The following SHANK2 variants were observed in gnomAD, a reference collection of about 807,000 sequenced individuals.
The protein encoded by SHANK2 is SH3 and multiple ankyrin repeat domains protein 2.
A neutral mutation model predicts 133.7 loss-of-function variants in SHANK2; 43 were observed. The ratio of observed to expected loss-of-function variants is 0.32; its 90% CI spans 0.25 to 0.41. The LOEUF (loss-of-function observed/expected upper bound fraction) is 0.41. Ranked by LOEUF, SHANK2 falls within the 10% of genes least tolerant of loss-of-function variation. The pLI, the probability that SHANK2 is intolerant of heterozygous loss-of-function variation, is 1.00. For synonymous variants in SHANK2, 1,017 were observed against 952.8 expected (o/e 1.07, Z -1.24); for missense variants, 1,994 against 2,235.8 (o/e 0.89, Z 2.18).
chr11:70,509,675 T>C (rs1490204994), intron 17 of SHANK2, among the ~76,000 whole-genome samples: 2 of 152,196 alleles, frequency 1.3e-5, no homozygotes, highest in Admixed American at 6.5e-5. Context: ...AGTCTATGTG[T>C]TGAAACCCTC....
At chr11:70,651,312 G>A (rs1485837126) in intron 17 of SHANK2, among the ~76,000 whole-genome samples, 2 of 152,200 alleles carry the variant, frequency 1.3e-5, no homozygotes, top group African/African-American at 4.8e-5. Flanking sequence ...CAGATTTGCA[G>A]TTGCCGAGCT....
intron 11 of SHANK2, among the ~76,000 whole-genome samples, chr11:70,832,145 A>G (rs1018136671): frequency 2.0e-5 from 3 of 152,148 alleles, no homozygotes; most frequent in Non-Finnish European, 4.4e-5. Context: ...TTTAATGGGG[A>G]TATTAATGGT....
intron 1 of SHANK2, among the ~76,000 whole-genome samples, chr11:71,236,418 C>T (rs1318212303): frequency 6.6e-6 from 1 of 152,176 alleles, no homozygotes; most frequent in Non-Finnish European, 1.5e-5. Context: ...TCTAGACCAG[C>T]CTGGCCAACA....
Position 71,093,959 on chromosome 11 carries a change from G to A in SHANK2, c.744+578C>T, listed in dbSNP as rs117506881. On this transcript the variant is annotated intron_variant, in intron 7 of 25. Coordinates refer to ENST00000601538, the MANE Select transcript of SHANK2 (RefSeq NM_012309.5). ...TCCAGAGGCGCCGTGGCTGCAGTGT[G>A]AGGCAGGGGCACGGAGCAGTAAGAC... 5.3e-5 allele frequency among the ~76,000 whole-genome samples: 8 copies of A among 152,276 alleles called. 1 individual carries two copies. In the East Asian group the frequency reaches 1.6e-3, roughly 30 times the overall value.
intron 17 of SHANK2, among the ~76,000 whole-genome samples, chr11:70,643,407 C>CA (rs1273420778): frequency 6.6e-6 from 1 of 151,746 alleles, no homozygotes; most frequent in Non-Finnish European, 1.5e-5. Flanking sequence ...ACTAAAAATA[C>CA]AAAAAAATTA....
At chr11:70,542,369 A>G (rs1045383553) in intron 17 of SHANK2, among the ~76,000 whole-genome samples, 1 of 152,218 alleles carries the variant, frequency 6.6e-6, no homozygotes, top group Non-Finnish European at 1.5e-5. Context: ...CCATGTGGCT[A>G]GCAGCCAAGG....
intron 11 of SHANK2, among the ~76,000 whole-genome samples, chr11:70,829,713 T>C (rs1187373696): frequency 6.6e-6 from 1 of 152,158 alleles, no homozygotes; most frequent in African/African-American, 2.4e-5. Flanking sequence ...CTTCAATTCT[T>C]TCAATAAGCA....
chr11:70,798,525 T>G lies in SHANK2; in HGVS notation c.1695A>C (p.Glu565Asp). The change falls in exon 14 of 26, where the codon GAA becomes GAC. Residue 565 changes from glutamate (E) to aspartate (D), a missense_variant. Coordinates refer to ENST00000601538, the MANE Select transcript of SHANK2 (RefSeq NM_012309.5). ...VLSIGEGGFW[E>D]GSARGHIGWF... ...ATCCGATGTGGCCGCGGGCGCTGCC[T>G]TCCCAGAAGCCCCCTTCACCGATGC... 2 of 718,562 alleles carry G rather than the reference T, an allele frequency of 2.8e-6. No homozygotes were observed. The highest frequency in any genetic ancestry group is 5.2e-6 in the Non-Finnish European group (2 of 385,088). 44.5% of individuals were successfully genotyped at this position (718,562 alleles called of 1,614,324 possible).
intron 9 of SHANK2, among the ~76,000 whole-genome samples, chr11:71,065,706 A>G (rs2135948165): frequency 8.8e-6 from 1 of 113,960 alleles, no homozygotes; most frequent in African/African-American, 3.5e-5. Flanking sequence ...GGAGATGAAC[A>G]GTGAGTGGGG....
chr11:70,921,992 C>T (rs550160096), intron 10 of SHANK2, among the ~76,000 whole-genome samples: 13 of 152,080 alleles, frequency 8.5e-5, no homozygotes, highest in Admixed American at 2.6e-4. Context: ...GAGTGAGCAG[C>T]GAAGAACTTA....
chr11:70,904,803 C>T (rs1555077556), intron 10 of SHANK2, among the ~76,000 whole-genome samples: 1 of 152,142 alleles, frequency 6.6e-6, no homozygotes, highest in Admixed American at 6.5e-5. Context: ...CCATCGTGCC[C>T]AGTCAATCCG....
intron 10 of SHANK2, among the ~76,000 whole-genome samples, chr11:70,934,382 T>G (rs1950543465): frequency 6.6e-6 from 1 of 152,184 alleles, no homozygotes; most frequent in Non-Finnish European, 1.5e-5. Flanking sequence ...TCCCTCCTGC[T>G]TCTCAGGCCG....
intron 1 of SHANK2, among the ~76,000 whole-genome samples, chr11:71,232,036 G>C (rs1358448419): frequency 1.3e-5 from 2 of 152,126 alleles, no homozygotes; most frequent in East Asian, 3.9e-4. Context: ...ACATTACTCA[G>C]CAATAAAAAG....
At chr11:71,148,270 G>A (rs1952696222) in intron 2 of SHANK2, among the ~76,000 whole-genome samples, 1 of 152,208 alleles carries the variant, frequency 6.6e-6, no homozygotes, top group South Asian at 2.1e-4. Flanking sequence ...CTTTAGTAGA[G>A]ACAGGGTTTC....
intron 14 of SHANK2, among the ~76,000 whole-genome samples, chr11:70,796,228 C>A (rs76940911): frequency 0.021 from 3,126 of 152,234 alleles, 57 homozygotes; most frequent in Non-Finnish European, 0.028. Context: ...CGGGAAAAGC[C>A]CACAGGAGAG....
rs1471475704 is a variant in SHANK2 at position 70,472,418 on chromosome 11, A to G, written c.*451T>C. ...CATCAGGTGTCCTCTGAGAGGCCAC[A>G]GGACTGAGGAAAGGCCTCATGCCGG... On this transcript the variant is annotated 3_prime_UTR_variant, in exon 26 of 26. Transcript: ENST00000601538. The surrounding 1 kb of genome is among the most constrained non-coding windows in gnomAD (Gnocchi z 4.4). 1.8e-5 allele frequency: 4 copies of G among 225,942 alleles called. No individual in the cohort carries two copies. The highest frequency in any genetic ancestry group is 3.5e-5 in the Non-Finnish European group (4 of 113,808). 14.0% of individuals were successfully genotyped at this position (225,942 alleles called of 1,614,324 possible).
intron 2 of SHANK2, among the ~76,000 whole-genome samples, chr11:71,217,878 T>A (rs942845724): frequency 3.3e-5 from 5 of 152,136 alleles, no homozygotes; most frequent in African/African-American, 1.2e-4. Context: ...TGAGACAGAG[T>A]CTCGCTCTGT....
intron 2 of SHANK2, among the ~76,000 whole-genome samples, chr11:71,182,373 A>C (rs1203358836): frequency 6.6e-6 from 1 of 152,188 alleles, no homozygotes; most frequent in Non-Finnish European, 1.5e-5. Context: ...AAGTACCACA[A>C]ACTGGAATTG....
At position 70,500,676 on chromosome 11, in the gene SHANK2, G is replaced by A. The variant is rs1325735488; in HGVS notation, c.2288-86C>T. 8 of 1,541,848 alleles carry A rather than the reference G, an allele frequency of 5.2e-6. No homozygotes were observed. Among genetic ancestry groups the A allele is most frequent in the East Asian group, 4.8e-5 (2 of 41,308 alleles). On this transcript the variant is annotated intron_variant, in intron 20 of 25. Coordinates refer to ENST00000601538, the MANE Select transcript of SHANK2 (RefSeq NM_012309.5). The surrounding 1 kb of genome is among the most constrained non-coding windows in gnomAD (Gnocchi z 4.5). The stretch of plus-strand genomic sequence containing the variant: ...CACTCGGGCCTTGTCAGCTCAGGGC[G>A]CCTCAGGAGCAGGCTGGGCCGGCAA...
Sources: gnomAD v4.1 joint callset for allele counts (sites outside exome capture counted in the v4.1 genomes callset) on GRCh38, gnomAD v4.1.1 for gene constraint, Gnocchi (gnomAD v3.1) non-coding constraint, MANE v1.5 for transcripts, NCBI Gene and HGNC (gene_info 2026-07-23, HGNC 2026-07-21) for gene names.